SPATA6L: variants seen among roughly 807,000 people sequenced by gnomAD.
SPATA6L encodes the protein spermatogenesis associated 6-like protein.
A neutral mutation model predicts 49.2 loss-of-function variants in SPATA6L; 68 were observed. The observed-to-expected ratio is 1.38, with a 90% confidence interval of 1.14 to 1.69. The LOEUF is 1.69. Among genes scored for constraint, SPATA6L ranks in the 40% most tolerant of loss-of-function variants. The pLI, the probability that SPATA6L is intolerant of heterozygous loss-of-function variation, is 0.00. For synonymous variants in SPATA6L, 198 were observed against 165.7 expected (o/e 1.19, Z -1.50); for missense variants, 668 against 464.3 (o/e 1.44, Z -4.03).
chr9:4,631,397 A>G (rs1044233194), intron 4 of SPATA6L, among the ~76,000 whole-genome samples: 2 of 152,128 alleles, frequency 1.3e-5, no homozygotes, highest in African/African-American at 2.4e-5. Flanking sequence ...TCATTGCCTC[A>G]TAGGAAAACA....
rs202024949 is a variant in SPATA6L, at chr9:4,608,915, A to G, written c.996-3475T>C. 1.4e-4 allele frequency among the ~76,000 whole-genome samples: 21 copies of G among 152,256 alleles called. No individual in the cohort carries two copies. In the South Asian group the frequency reaches 3.9e-3, roughly 29 times the overall value. ...GACCACTAGCAAGACTAATAAAGAA[A>G]AAAAGAGAGAAGAATCAAATAGACG... On this transcript the variant is annotated intron_variant, in intron 9 of 11. Coordinates refer to ENST00000682582, the MANE Select transcript of SPATA6L (RefSeq NM_001353486.2).
rs879311924 is a variant in SPATA6L, at chr9:4,661,751, C to CAACT, written c.177+147_177+148insAGTT. 8.9e-4 allele frequency: 938 copies of CAACT among 1,054,738 alleles called. 2 individuals are homozygous for CAACT. The highest frequency in any genetic ancestry group is 1.2e-3 in the Admixed American group (43 of 35,412). 65.3% of individuals were successfully genotyped at this position (1,054,738 alleles called of 1,614,324 possible). ...ACCTGCATTACAAAAGCAAGTGTTC[C>CAACT]GACTGCGGTTTTGCATTGTGCTGAA... On this transcript the variant is annotated intron_variant, in intron 2 of 11. Coordinates refer to ENST00000682582, the MANE Select transcript of SPATA6L (RefSeq NM_001353486.2).
chr9:4,648,358 T>A (rs1036751269), intron 3 of SPATA6L, among the ~76,000 whole-genome samples: 2 of 152,214 alleles, frequency 1.3e-5, no homozygotes, highest in African/African-American at 2.4e-5. Flanking sequence ...ATTCTTTTTT[T>A]AAAATTTTTT....
intron 13 of SPATA6L, among the ~76,000 whole-genome samples, chr9:4,592,357 T>G (rs1821961788): frequency 6.6e-6 from 1 of 152,092 alleles, no homozygotes; most frequent in Non-Finnish European, 1.5e-5. Context: ...ACATTTTTAT[T>G]TACTCAGCAG....
chr9:4,589,752 G>C (rs902355211), intron 13 of SPATA6L, among the ~76,000 whole-genome samples: 1 of 152,102 alleles, frequency 6.6e-6, no homozygotes, highest in Admixed American at 6.5e-5. Context: ...TATAAATCTT[G>C]TGTGACTCTT....
chr9:4,631,208 A>T, intron 4 of SPATA6L, among the ~76,000 whole-genome samples: 1 of 152,208 alleles, frequency 6.6e-6, no homozygotes, highest in Non-Finnish European at 1.5e-5. Context: ...AAATTCAGAG[A>T]CTATATCTCA....
chr9:4,618,094 T>C lies in SPATA6L; in HGVS notation c.824A>G (p.Asp275Gly), dbSNP rs1564172902. ...GTCACTCCTTAAAACAATCCGTTCATCTGGCTCTTTGATAACCTGAGTGAC... is the reference window on the plus strand; with the variant it reads ...GTCACTCCTTAAAACAATCCGTTCACCTGGCTCTTTGATAACCTGAGTGAC... ...AANVKVIKEPDERIVLRSDSS... is the reference protein window; with the variant it reads ...AANVKVIKEPGERIVLRSDSS... Residue 275 changes from aspartate (D) to glycine (G), a missense_variant, in exon 9 of 12, where the codon GAT becomes GGT. Coordinates refer to ENST00000682582, the MANE Select transcript of SPATA6L (RefSeq NM_001353486.2). The C allele has an allele frequency of 3.1e-6, 5 of 1,609,094 alleles. No homozygotes were observed. The highest frequency in any genetic ancestry group is 4.2e-6 in the Non-Finnish European group (5 of 1,177,154).
At chr9:4,622,926 T>G (rs1487175806) in intron 6 of SPATA6L, among the ~76,000 whole-genome samples, 1 of 152,106 alleles carries the variant, frequency 6.6e-6, no homozygotes, top group Non-Finnish European at 1.5e-5. Context: ...TCCCATAAGA[T>G]GACATTTCTA....
chr9:4,636,778 G>C (rs1444189185), intron 3 of SPATA6L, among the ~76,000 whole-genome samples: 2 of 152,138 alleles, frequency 1.3e-5, no homozygotes, highest in African/African-American at 4.8e-5. Flanking sequence ...AAGAATCAAA[G>C]TGCAAAAAGA....
downstream of SPATA6L, among the ~76,000 whole-genome samples, chr9:4,597,788 C>G (rs948612420): frequency 6.6e-6 from 1 of 152,164 alleles, no homozygotes; most frequent in Non-Finnish European, 1.5e-5. Context: ...GGTCCCCTAA[C>G]CAGAGAAAGA....
In SPATA6L at chr9:4,666,216, C is replaced by T. The variant is rs572438081; in HGVS notation, c.35G>A (p.Arg12Gln). 4.0e-5 allele frequency: 65 copies of T among 1,614,128 alleles called. No individual in the cohort carries two copies. The East Asian group carries it at 1.4e-3, about 34-fold the overall frequency. ...GGGAGTTCATCGATCTCTTACCGCC[C>T]GGATCTGCAGCTCCACCACCACCTC... ...PLEVVVELQI[R>Q]AISCPGVFLP... Residue 12 changes from arginine (R) to glutamine (Q), a missense_variant, in exon 1 of 12, where the codon CGG (arginine) becomes CAG (glutamine). Coordinates refer to ENST00000682582, the MANE Select transcript of SPATA6L (RefSeq NM_001353486.2).
chr9:4,627,744 C>G, intron 5 of SPATA6L: 1 of 1,289,294 alleles, frequency 7.8e-7, no homozygotes, highest in Non-Finnish European at 1.0e-6. Flanking sequence ...TAAGACGCTT[C>G]ACGCTTACCA....
intron 4 of SPATA6L, among the ~76,000 whole-genome samples, chr9:4,631,517 T>A (rs1250685578): frequency 6.6e-6 from 1 of 152,004 alleles, no homozygotes; most frequent in Non-Finnish European, 1.5e-5. Flanking sequence ...TGAGACTAGA[T>A]AATATTGCAA....
At chr9:4,657,469 G>A (rs72694093) in intron 2 of SPATA6L, among the ~76,000 whole-genome samples, 9,988 of 151,934 alleles carry the variant, frequency 0.066, 387 homozygotes, top group Middle Eastern at 0.11. Flanking sequence ...ATCATACTGG[G>A]ATAGGGTAGG....
At position 4,598,397 on chromosome 9, in the gene SPATA6L, T is replaced by C. The variant is rs1157498904; in HGVS notation, c.*2414A>G. The stretch of plus-strand genomic sequence containing the variant: ...CATCACAAAATTATTCATACTATTA[T>C]ACACTCCAAAAGCAAAATACTTCAA... On this transcript the variant is annotated 3_prime_UTR_variant, in exon 12 of 12. Transcript: ENST00000682582. Among the ~76,000 whole-genome samples, 1 of 152,200 alleles carries C rather than the reference T, an allele frequency of 6.6e-6. No homozygotes were observed. The highest frequency in any genetic ancestry group is 2.4e-5 in the African/African-American group (1 of 41,432).
chr9:4,629,755 A>ATATGTGTGTGTGTGTGTGTGTGTGTG (rs1554721565), intron 4 of SPATA6L, among the ~76,000 whole-genome samples: 1 of 125,448 alleles, frequency 8.0e-6, no homozygotes, highest in African/African-American at 3.3e-5. Flanking sequence ...TGTTTTATAT[A>ATATGTGTGTGTGTGTGTGTGTGTGTG]TGTGTGTGTG....
chr9:4,664,544 C>CGTTT lies in SPATA6L; in HGVS notation c.39+1667_39+1668insAAAC, dbSNP rs1219652269. 4.2e-5 allele frequency: 7 copies of CGTTT among 167,154 alleles called. No homozygotes were observed. In the East Asian group the frequency reaches 1.3e-3, roughly 32 times the overall value. The allele number at this position is 167,154 out of a possible 1,614,324, so 10.4% of individuals were successfully genotyped here. ...AATCATAAGACCAAAGACCACCAAACGCAGGGTGGACTCTGCTCATTATTC... is the reference window on the plus strand; with the variant it reads ...AATCATAAGACCAAAGACCACCAAACGTTTGCAGGGTGGACTCTGCTCATTATTC... On this transcript the variant is annotated intron_variant, in intron 1 of 11. Transcript: ENST00000682582.
intron 9 of SPATA6L, among the ~76,000 whole-genome samples, chr9:4,607,814 T>C (rs995108346): frequency 4.6e-5 from 7 of 152,078 alleles, no homozygotes; most frequent in South Asian, 2.1e-4. Context: ...TAAATGTAAA[T>C]GGACTAAATG....
intron 9 of SPATA6L, among the ~76,000 whole-genome samples, chr9:4,612,906 A>G (rs1827112094): frequency 6.6e-6 from 1 of 152,156 alleles, no homozygotes; most frequent in Non-Finnish European, 1.5e-5. Flanking sequence ...AGGCACAGAT[A>G]CAGTTTTCTA....
Sources: allele counts gnomAD v4.1 joint callset (sites outside exome capture counted in the v4.1 genomes callset), GRCh38; gene constraint gnomAD v4.1.1; transcripts MANE v1.5; gene names NCBI Gene and HGNC (gene_info 2026-07-23, HGNC 2026-07-21).